EML1: variants seen among roughly 807,000 people sequenced by gnomAD.
The protein encoded by EML1 is echinoderm microtubule-associated protein-like 1.
In EML1, 27 loss-of-function variants were observed where a neutral mutation model predicts 110.4. The ratio of observed to expected loss-of-function variants is 0.24; its 90% CI spans 0.18 to 0.34. The LOEUF (loss-of-function observed/expected upper bound fraction) is 0.34. EML1 is among the 10% of genes least tolerant of loss of function. EML1 has a pLI of 1.00. For synonymous variants in EML1, 344 were observed against 385.8 expected (o/e 0.89, Z 1.27); for missense variants, 741 against 1,030.9 (o/e 0.72, Z 3.85).
intron 1 of EML1, among the ~76,000 whole-genome samples, chr14:99,738,106 T>TC (rs1203922266): frequency 1.3e-5 from 2 of 152,272 alleles, no homozygotes; most frequent in Non-Finnish European, 2.9e-5. Context: ...ATTCAAGCTC[T>TC]CCTGGGGCTG....
At chr14:99,824,179 C>T (rs2058312251) in intron 1 of EML1, among the ~76,000 whole-genome samples, 1 of 152,106 alleles carries the variant, frequency 6.6e-6, no homozygotes, top group Non-Finnish European at 1.5e-5. Flanking sequence ...TGGCTGGTCT[C>T]AAACTCCTGA....
At chr14:99,834,156 G>C (rs897779396) in intron 1 of EML1, among the ~76,000 whole-genome samples, 1 of 152,048 alleles carries the variant, frequency 6.6e-6, no homozygotes, top group African/African-American at 2.4e-5. Flanking sequence ...TGCATTTATT[G>C]ACCTGATTAC....
intron 1 of EML1, among the ~76,000 whole-genome samples, chr14:99,817,003 G>A (rs1277165286): frequency 6.6e-6 from 1 of 152,144 alleles, no homozygotes; most frequent in African/African-American, 2.4e-5. Flanking sequence ...AAAGCACATG[G>A]GTTAATATCA....
In EML1 at chr14:99,936,403, C is replaced by A; in HGVS notation, c.2095+69C>A. ...GCGTTCACTCTGAGATCCAGGGGGC[C>A]TCTGTGAGAACCCACCTCCTGTATG... On this transcript the variant is annotated intron_variant, in intron 19 of 21. Transcript: ENST00000262233. The surrounding 1 kb of genome is among the most constrained non-coding windows in gnomAD (Gnocchi z 5.5). The A allele has an allele frequency of 6.9e-7, 1 of 1,446,602 alleles. No homozygotes were observed. 89.6% of individuals were successfully genotyped at this position (1,446,602 alleles called of 1,614,324 possible). A position where few individuals can be genotyped will look rare whatever the true frequency, so the allele number is the denominator to read the frequency against.
intron 1 of EML1, among the ~76,000 whole-genome samples, chr14:99,821,144 G>A (rs928399467): frequency 1.3e-5 from 2 of 150,278 alleles, no homozygotes; most frequent in African/African-American, 2.5e-5. Context: ...TGCCTGAGCC[G>A]CCCAAGTGGC....
At chr14:99,918,527 T>A (rs979262077) in intron 16 of EML1, among the ~76,000 whole-genome samples, 2 of 152,240 alleles carry the variant, frequency 1.3e-5, no homozygotes, top group Non-Finnish European at 2.9e-5. Flanking sequence ...TTAAAAATGC[T>A]TTTTCTACTC....
chr14:99,876,802 C>T (rs1405499593), intron 3 of EML1, among the ~76,000 whole-genome samples: 2 of 152,204 alleles, frequency 1.3e-5, no homozygotes, highest in East Asian at 3.9e-4. Context: ...GCAGGTGCTG[C>T]ATTAAAGCAG....
chr14:99,741,645 A>C, intron 1 of EML1, among the ~76,000 whole-genome samples: 1 of 148,068 alleles, frequency 6.8e-6, no homozygotes, highest in African/African-American at 2.5e-5. Flanking sequence ...CCCAGACCTC[A>C]CAGTGGGCCC....
intron 1 of EML1, among the ~76,000 whole-genome samples, chr14:99,826,660 G>A (rs1363889938): frequency 1.3e-5 from 2 of 151,816 alleles, no homozygotes; most frequent in African/African-American, 2.4e-5. Context: ...CGCCACTGCT[G>A]TGTAACACCG....
chr14:99,842,279 G>A (rs185001629), intron 1 of EML1, among the ~76,000 whole-genome samples: 3 of 152,300 alleles, frequency 2.0e-5, no homozygotes, highest in Admixed American at 2.0e-4. Context: ...CAAGCTTTAG[G>A]CTTTGTTCTT....
intron 1 of EML1, among the ~76,000 whole-genome samples, chr14:99,748,324 TCA>T (rs1173853580): frequency 6.6e-6 from 1 of 152,130 alleles, no homozygotes; most frequent in East Asian, 1.9e-4. Context: ...TGAGTGGTAC[TCA>T]CGTTTCTCCC....
intron 1 of EML1, among the ~76,000 whole-genome samples, chr14:99,766,724 A>C (rs1290715099): frequency 6.6e-6 from 1 of 152,202 alleles, no homozygotes; most frequent in African/African-American, 2.4e-5. Flanking sequence ...CAACATCAAT[A>C]ATTTGTTTCA....
intron 8 of EML1, among the ~76,000 whole-genome samples, chr14:99,899,835 G>A (rs924430325): frequency 6.6e-6 from 1 of 151,810 alleles, no homozygotes; most frequent in South Asian, 2.1e-4. Flanking sequence ...AATTGAATCG[G>A]TACTTTAGAA....
At chr14:99,750,383 G>A (rs940851867) in intron 1 of EML1, among the ~76,000 whole-genome samples, 6 of 152,166 alleles carry the variant, frequency 3.9e-5, no homozygotes, top group African/African-American at 1.4e-4. Flanking sequence ...GGCTGTTTCT[G>A]GGCCCTGCTG....
At chr14:99,904,260 T>C (rs2059807455) in intron 9 of EML1, among the ~76,000 whole-genome samples, 1 of 152,234 alleles carries the variant, frequency 6.6e-6, no homozygotes, top group Admixed American at 6.5e-5. Flanking sequence ...TTAGCCAATA[T>C]GTTCACACAG....
intron 9 of EML1, among the ~76,000 whole-genome samples, 177 bp downstream of exon 9, chr14:99,901,216 A>G (rs1206970836): frequency 2.6e-5 from 4 of 152,198 alleles, no homozygotes; most frequent in Non-Finnish European, 2.9e-5. Context: ...TGCATGTCTC[A>G]TCAGGGACAC....
intron 1 of EML1, among the ~76,000 whole-genome samples, chr14:99,808,632 T>G (rs1265055009): frequency 6.6e-6 from 1 of 152,216 alleles, no homozygotes; most frequent in Non-Finnish European, 1.5e-5. Context: ...AACCACGGTG[T>G]GTATTTAACT....
intron 1 of EML1, among the ~76,000 whole-genome samples, chr14:99,821,543 C>T (rs1041336655): frequency 1.3e-5 from 2 of 152,128 alleles, no homozygotes; most frequent in Non-Finnish European, 2.9e-5. Context: ...AAAACAAGAC[C>T]ATTATCCATA....
At chr14:99,809,942 C>A (rs2058047089) in intron 1 of EML1, among the ~76,000 whole-genome samples, 1 of 152,160 alleles carries the variant, frequency 6.6e-6, no homozygotes, top group Non-Finnish European at 1.5e-5. Context: ...ACATTTCAGG[C>A]CCCAGGGATT....
Sources: gnomAD v4.1 joint callset for allele counts (sites outside exome capture counted in the v4.1 genomes callset) on GRCh38, gnomAD v4.1.1 for gene constraint, Gnocchi (gnomAD v3.1) non-coding constraint, MANE v1.5 for transcripts, NCBI Gene and HGNC (gene_info 2026-07-23, HGNC 2026-07-21) for gene names.